The following TP53BP2 variants were observed in gnomAD, a reference collection of about 807,000 sequenced individuals.
The protein encoded by TP53BP2 is tumor protein p53 binding protein 2.
A neutral mutation model predicts 126.2 loss-of-function variants in TP53BP2; 62 were observed. The ratio of observed to expected loss-of-function variants is 0.49; its 90% confidence interval spans 0.40 to 0.61. The LOEUF is 0.61. TP53BP2 is among the 20% of genes least tolerant of loss of function. The pLI, the probability that TP53BP2 is intolerant of heterozygous loss-of-function variation, is 0.00. For missense variants in TP53BP2, 1,215 were observed against 1,402.8 expected, an observed-to-expected ratio of 0.87 and a Z score of 2.14; for synonymous variants, 485 against 502.9, an observed-to-expected ratio of 0.96 and a Z score of 0.48.
At chr1:223,798,158 G>T in intron 12 of TP53BP2, 57 bp downstream of exon 12, 1 of 1,501,208 alleles carries the variant, frequency 6.7e-7, no homozygotes, top group Non-Finnish European at 9.0e-7. Context: ...GCTGAGGGAT[G>T]GCTTAAGTTC....
chr1:223,806,899 C>T lies in TP53BP2; in HGVS notation c.421G>A (p.Ala141Thr), dbSNP rs867969895. The T allele has an allele frequency of 1.9e-6, 3 of 1,613,858 alleles. No homozygotes were observed. In the African/African-American group the frequency reaches 4.0e-5, roughly 22 times the overall value. Residue 141 changes from alanine to threonine, a missense_variant, in exon 5 of 18, where the codon GCA (alanine) becomes ACA (threonine). Physicochemically the swap from Ala to Thr is moderately conservative, Grantham distance 58. Transcript: ENST00000343537. ...TCAATCTGTTGCTGCTGGCGAGATG[C>T]CATTTCCTGAAGTTCAGCAAGAGTC... is the stretch of plus-strand genomic sequence containing the variant. Reference protein sequence around the residue: ...DLTLAELQEMASRQQQQIEAQ... With the variant: ...DLTLAELQEMTSRQQQQIEAQ...
At chr1:223,843,197 T>C (rs1350824716) in intron 1 of TP53BP2, among the ~76,000 whole-genome samples, 1 of 149,716 alleles carries the variant, frequency 6.7e-6, no homozygotes, top group African/African-American at 2.5e-5. Flanking sequence ...TTTTTTTTTA[T>C]GGAGTCACTC....
In TP53BP2 at chr1:223,796,184, G is replaced by A; in HGVS notation, c.2355C>T (p.Ala785=). 6.2e-7 allele frequency: 1 copy of A among 1,614,184 alleles called. No homozygotes were observed. Among genetic ancestry groups the A allele is most frequent in the South Asian group, 1.1e-5 (1 of 91,074 alleles). The part of the protein sequence containing the change: ...SYPSKSASVT[A]SSESPVEIQN... ...GGATTTCTACTGGGCTTTCTGAGCT[G>A]GCAGTCACAGAAGCTGACTTGGATG... Residue 785 remains alanine, a synonymous_variant, in exon 13 of 18, where the codon GCC becomes GCT. Transcript: ENST00000343537. The surrounding 1 kb of genome is among the most constrained non-coding windows in gnomAD (Gnocchi z 4.2).
chr1:223,805,653 CTT>C (rs1662689938), intron 5 of TP53BP2, among the ~76,000 whole-genome samples: 1 of 152,222 alleles, frequency 6.6e-6, no homozygotes, highest in South Asian at 2.1e-4. Flanking sequence ...TATTGGGTAA[CTT>C]TGCCCATGAC....
intron 1 of TP53BP2, among the ~76,000 whole-genome samples, chr1:223,822,392 G>A (rs114486035): frequency 0.017 from 2,618 of 152,168 alleles, 82 homozygotes; most frequent in African/African-American, 0.06. Flanking sequence ...TAGGCTGGGT[G>A]TAGTGGCCTA....
At chr1:223,831,629 TA>T (rs1421881021) in intron 1 of TP53BP2, among the ~76,000 whole-genome samples, 1 of 149,808 alleles carries the variant, frequency 6.7e-6, no homozygotes, top group Non-Finnish European at 1.5e-5. Context: ...ATGTATAATT[TA>T]AAAGTATAGT....
chr1:223,814,197 T>C, intron 3 of TP53BP2, 43 bp downstream of exon 3: 1 of 1,466,710 alleles, frequency 6.8e-7, no homozygotes. Flanking sequence ...CAGCACAAAA[T>C]AAAAGCTTAA....
intron 1 of TP53BP2, 135 bp downstream of exon 1, chr1:223,845,519 C>A: frequency 1.0e-6 from 1 of 997,992 alleles, no homozygotes; most frequent in Non-Finnish European, 1.3e-6. Context: ...GCTCGAAGCT[C>A]GGAAAGCCCC....
At chr1:223,841,827 C>T (rs1475632295) in intron 1 of TP53BP2, among the ~76,000 whole-genome samples, 2 of 152,008 alleles carry the variant, frequency 1.3e-5, no homozygotes, top group African/African-American at 2.4e-5. Flanking sequence ...CTCTGCAGCA[C>T]TGAAAGATAA....
Position 223,803,259 on chromosome 1 carries a change from G to C in TP53BP2, c.831+12C>G, listed in dbSNP as rs1191627363. On this transcript the variant is annotated intron_variant, in intron 7 of 17. Coordinates refer to ENST00000343537, the MANE Select transcript of TP53BP2 (RefSeq NM_001031685.3). ...GAGGTTGTACAGCTTTTGGCAAACA[G>C]CTACGGTCTACCTGCAGCTCCTTAT... is the stretch of plus-strand genomic sequence containing the variant. The C allele has an allele frequency of 6.2e-7, 1 of 1,600,900 alleles. No homozygotes were observed. Among genetic ancestry groups the C allele is most frequent in the Non-Finnish European group, 8.5e-7 (1 of 1,174,820 alleles).
intron 1 of TP53BP2, among the ~76,000 whole-genome samples, chr1:223,825,111 T>C (rs190758775): frequency 6.6e-6 from 1 of 152,112 alleles, no homozygotes; most frequent in East Asian, 1.9e-4. Context: ...ACATGTCATA[T>C]GTTATATTTA....
Position 223,785,051 on chromosome 1 carries a change from A to T in TP53BP2, c.3164-737T>A, listed in dbSNP as rs936032447. Reference sequence around the variant, plus strand: ...TGCCCTTCTTCACTTATACCTTCCTATCCTAAAGGGCAATGCTAGTAAGAA... The same window carrying T: ...TGCCCTTCTTCACTTATACCTTCCTTTCCTAAAGGGCAATGCTAGTAAGAA... On this transcript the variant is annotated intron_variant, in intron 16 of 17. Coordinates refer to ENST00000343537, the MANE Select transcript of TP53BP2 (RefSeq NM_001031685.3). 5.3e-5 allele frequency among the ~76,000 whole-genome samples: 8 copies of T among 152,346 alleles called. No homozygotes were observed. The East Asian group carries it at 1.5e-3, about 29-fold the overall frequency.
intron 1 of TP53BP2, among the ~76,000 whole-genome samples, chr1:223,841,485 A>G (rs1664101959): frequency 1.3e-5 from 2 of 152,238 alleles, no homozygotes; most frequent in Non-Finnish European, 2.9e-5. Context: ...TTCCAAATAC[A>G]TAACTTGAAG....
chr1:223,813,053 G>T (rs1202624700), intron 3 of TP53BP2, among the ~76,000 whole-genome samples: 2 of 152,144 alleles, frequency 1.3e-5, no homozygotes, highest in Non-Finnish European at 2.9e-5. Context: ...CATCCTACAA[G>T]ACTGCTGGGT....
chr1:223,833,387 T>C (rs891178560), intron 1 of TP53BP2, among the ~76,000 whole-genome samples: 2 of 152,196 alleles, frequency 1.3e-5, no homozygotes, highest in African/African-American at 4.8e-5. Context: ...CAGAAATCAA[T>C]AACGTGAAGT....
chr1:223,795,077 A>AT (rs1333736801), intron 13 of TP53BP2, among the ~76,000 whole-genome samples: 3 of 152,194 alleles, frequency 2.0e-5, no homozygotes, highest in Non-Finnish European at 4.4e-5. Flanking sequence ...TGGGATTTTT[A>AT]TTTTCTCTCA....
At chr1:223,806,239 A>C (rs1209126610) in intron 5 of TP53BP2, among the ~76,000 whole-genome samples, 1 of 152,148 alleles carries the variant, frequency 6.6e-6, no homozygotes, top group East Asian at 1.9e-4. Context: ...CCTAGAAGCA[A>C]AGATGAAGGG....
rs1367751739 is a variant in TP53BP2, at chr1:223,784,229, G to C, written c.3249C>G (p.Pro1083=). The C allele has an allele frequency of 5.0e-6, 8 of 1,613,920 alleles. No individual in the cohort carries two copies. Among genetic ancestry groups the C allele is most frequent in the Non-Finnish European group, 6.8e-6 (8 of 1,180,022 alleles). ...DYEPQNDDEL[P]MKEGDCMTII... ...TTGTCATGCAGTCTCCTTCTTTCAT[G>C]GGCAGCTCATCATCATTCTGAGGTT... The change falls in exon 17 of 18, where the codon CCC becomes CCG. Residue 1083 remains proline, a synonymous_variant. Transcript: ENST00000343537.
intron 1 of TP53BP2, among the ~76,000 whole-genome samples, chr1:223,842,874 A>G (rs574302655): frequency 1.1e-4 from 17 of 152,330 alleles, no homozygotes; most frequent in Middle Eastern, 3.4e-3. Flanking sequence ...TTCATCAGGA[A>G]AAAGATGTCA....
Sources: gnomAD v4.1 joint callset for allele counts (sites outside exome capture counted in the v4.1 genomes callset) on GRCh38, gnomAD v4.1.1 for gene constraint, Gnocchi (gnomAD v3.1) non-coding constraint, MANE v1.5 for transcripts, NCBI Gene and HGNC (gene_info 2026-07-23, HGNC 2026-07-21) for gene names.